Variants in PRG4 observed in about 807,000 individuals in gnomAD.
PRG4 encodes proteoglycan 4.
In PRG4, 61 loss-of-function variants were observed where a neutral mutation model predicts 91.2. The ratio of observed to expected loss-of-function variants is 0.67; its 90% CI spans 0.54 to 0.83. PRG4 has a LOEUF of 0.83. Among genes scored for constraint, PRG4 ranks in the 40% least tolerant of loss-of-function variants. PRG4 has a pLI of 0.00. For missense variants in PRG4, 1,564 were observed against 1,714.2 expected (o/e 0.91, Z 1.55); for synonymous variants, 576 against 614.2 (o/e 0.94, Z 0.92).
intron 4 of PRG4, among the ~76,000 whole-genome samples, chr1:186,301,949 ACATAG>A (rs1256581277): frequency 6.6e-6 from 1 of 152,184 alleles, no homozygotes; most frequent in Non-Finnish European, 1.5e-5. Context: ...CAGAGGGGGA[ACATAG>A]AGGATGAGGC....
chr1:186,311,205 A>ATAAT, intron 9 of PRG4, 35 bp downstream of exon 9: 1 of 1,583,104 alleles, frequency 6.3e-7, no homozygotes, highest in Non-Finnish European at 8.7e-7. Context: ...AAATTTAATA[A>ATAAT]TAATTTGTAA....
chr1:186,306,236 CAATGAT>C, intron 6 of PRG4, 76 bp from the exon 7 acceptor site: 1 of 1,145,828 alleles, frequency 8.7e-7, no homozygotes, highest in Non-Finnish European at 1.2e-6. Flanking sequence ...CACAACTAGT[CAATGAT>C]AAAGATGGGA....
chr1:186,296,909 T>C lies in PRG4; in HGVS notation c.34T>C (p.Leu12=), dbSNP rs1043820710. 1 of 1,613,928 alleles carries C rather than the reference T, an allele frequency of 6.2e-7. No homozygotes were observed. Among genetic ancestry groups the C allele is most frequent in the African/African-American group, 1.3e-5 (1 of 74,940 alleles). ...AWKTLPIYLL[L]LLSVFVIQQV... ...GAAAACACTTCCCATTTACCTGTTGTTGCTGCTGTCTGTTTTCGTGATTCA... is the reference window on the plus strand; with the variant it reads ...GAAAACACTTCCCATTTACCTGTTGCTGCTGCTGTCTGTTTTCGTGATTCA... Residue 12 remains leucine (L), a synonymous_variant, in exon 2 of 13, where the codon TTG becomes CTG. Coordinates refer to ENST00000445192, the MANE Select transcript of PRG4 (RefSeq NM_005807.6).
In PRG4 at chr1:186,301,737, C is replaced by T. The variant is rs149854800; in HGVS notation, c.319+26C>T. The T allele has an allele frequency of 2.8e-4, 444 of 1,610,230 alleles. 4 individuals carry two copies. The East Asian group carries it at 9.5e-3, about 35-fold the overall frequency. On this transcript the variant is annotated intron_variant, in intron 4 of 12. Coordinates refer to ENST00000445192, the MANE Select transcript of PRG4 (RefSeq NM_005807.6). ...GTAAGCATCACAGTACCAACCAATG[C>T]TTCTCAGTACAGCCAGATCTGTGCA...
chr1:186,308,943 C>A lies in PRG4; in HGVS notation c.3224C>A (p.Thr1075Asn), dbSNP rs1481584010. 5 of 1,611,034 alleles carry A rather than the reference C, an allele frequency of 3.1e-6. No individual in the cohort carries two copies. The highest frequency in any genetic ancestry group is 2.2e-5 in the East Asian group (1 of 44,862). The change falls in exon 7 of 13, where the codon ACC (threonine) becomes AAC (asparagine). Residue 1075 changes from threonine (T) to asparagine (N), a missense_variant. Thr to Asn is a moderately conservative substitution (Grantham distance 65). This residue lies in a region of PRG4 where 1,079 missense variants were observed against 1,162.2 expected (regional missense o/e 0.93). Transcript: ENST00000445192. ...TSRIAEAMLQ[T>N]TTRPNQTPNS... is the part of the protein sequence containing the mutation. The stretch of plus-strand genomic sequence containing the variant: ...AGAATAGCAGAAGCCATGCTCCAAA[C>A]CACCACCAGACCTAACCAAACTCCA...
At chr1:186,297,018 A>G in intron 2 of PRG4, 67 bp downstream of exon 2, 1 of 1,347,786 alleles carries the variant, frequency 7.4e-7, no homozygotes, top group Non-Finnish European at 1.1e-6. Flanking sequence ...TGATTTTTAT[A>G]ACAACGGAAA....
chr1:186,307,481 A>C lies in PRG4; in HGVS notation c.1762A>C (p.Thr588Pro), dbSNP rs761927966. 1.3e-6 allele frequency: 2 copies of C among 1,548,994 alleles called. No individual in the cohort carries two copies. Among genetic ancestry groups the C allele is most frequent in the Admixed American group, 1.9e-5 (1 of 53,874 alleles). The part of the protein sequence containing the change: ...PTTPKEPAPT[T>P]PKEPAPTTTK... ...TACCCCCAAGGAGCCTGCACCCACC[A>C]CTCCCAAGGAACCTGCACCCACCAC... Residue 588 changes from threonine to proline, a missense_variant, in exon 7 of 13, where the codon ACT becomes CCT. Physicochemically the swap from Thr to Pro is conservative, Grantham distance 38. Coordinates refer to ENST00000445192, the MANE Select transcript of PRG4 (RefSeq NM_005807.6).
rs748382563 is a variant in PRG4 at position 186,306,366 on chromosome 1, C to T, written c.647C>T (p.Pro216Leu). 1 of 1,610,776 alleles carries T rather than the reference C, an allele frequency of 6.2e-7. No individual in the cohort carries two copies. Among genetic ancestry groups the T allele is most frequent in the Non-Finnish European group, 8.5e-7 (1 of 1,178,926 alleles). The part of the protein sequence containing the change: ...NRTKKKPTPK[P>L]PVVDEAGSGL... ...ACTAAAAAGAAACCTACCCCCAAACCACCAGTTGTAGATGAAGCTGGAAGT... is the reference window on the plus strand; with the variant it reads ...ACTAAAAAGAAACCTACCCCCAAACTACCAGTTGTAGATGAAGCTGGAAGT... The change falls in exon 7 of 13, where the codon CCA becomes CTA. Residue 216 changes from proline (P) to leucine (L), a missense_variant. Pro to Leu is a moderately conservative substitution (Grantham distance 98). Coordinates refer to ENST00000445192, the MANE Select transcript of PRG4 (RefSeq NM_005807.6).
chr1:186,314,458 C>A lies in PRG4; in HGVS notation c.*680C>A. ...TATTATATATCTAAGGTATACAAATCTGTCTACATGAAGTTTACAGATTGG... is the reference window on the plus strand; with the variant it reads ...TATTATATATCTAAGGTATACAAATATGTCTACATGAAGTTTACAGATTGG... On this transcript the variant is annotated 3_prime_UTR_variant, in exon 13 of 13. Coordinates refer to ENST00000445192, the MANE Select transcript of PRG4 (RefSeq NM_005807.6). 2.2e-6 allele frequency: 1 copy of A among 460,998 alleles called. No individual in the cohort carries two copies. Among genetic ancestry groups the A allele is most frequent in the South Asian group, 3.6e-5 (1 of 27,436 alleles). The allele number at this position is 460,998 out of a possible 1,614,324, so 28.6% of individuals were successfully genotyped here.
intron 2 of PRG4, among the ~76,000 whole-genome samples, chr1:186,297,478 G>A (rs895969188): frequency 6.6e-6 from 1 of 152,016 alleles, no homozygotes; most frequent in Non-Finnish European, 1.5e-5. Context: ...ATTTATCCAG[G>A]TATGGACATA....
intron 6 of PRG4, among the ~76,000 whole-genome samples, chr1:186,306,007 A>G (rs568899876): frequency 7.2e-5 from 11 of 152,334 alleles, no homozygotes; most frequent in African/African-American, 2.4e-4. Context: ...TAGGGGGTAA[A>G]GAACATTAAT....
At chr1:186,305,465 T>C (rs1041509638) in intron 6 of PRG4, among the ~76,000 whole-genome samples, 3 of 152,256 alleles carry the variant, frequency 2.0e-5, no homozygotes, top group Non-Finnish European at 2.9e-5. Flanking sequence ...GAATAGGCTA[T>C]TATTGCCTGA....
Position 186,306,872 on chromosome 1 carries a change from A to G in PRG4, c.1153A>G (p.Thr385Ala), listed in dbSNP as rs751405276. The change falls in exon 7 of 13, where the codon ACC (threonine) becomes GCC (alanine). Residue 385 changes from threonine (T) to alanine (A), a missense_variant. Physicochemically the swap from Thr to Ala is moderately conservative, Grantham distance 58 (BLOSUM62 0). Coordinates refer to ENST00000445192, the MANE Select transcript of PRG4 (RefSeq NM_005807.6). The part of the protein sequence containing the change: ...PTTPKEPAPT[T>A]TKSAPTTPKE... ...CACCCCCAAGGAGCCTGCACCCACCACCACCAAGTCTGCACCCACCACTCC... is the reference window on the plus strand; with the variant it reads ...CACCCCCAAGGAGCCTGCACCCACCGCCACCAAGTCTGCACCCACCACTCC... 6.2e-7 allele frequency: 1 copy of G among 1,603,454 alleles called. No homozygotes were observed. Among genetic ancestry groups the G allele is most frequent in the Non-Finnish European group, 8.5e-7 (1 of 1,177,040 alleles).
chr1:186,313,790 AAGG>A lies in PRG4; in HGVS notation c.*18_*20del, dbSNP rs779730832. On this transcript the variant is annotated 3_prime_UTR_variant, in exon 13 of 13. Transcript: ENST00000445192. ...ACAACTGTCCTTAGACTGATGAGCA[AAGG>A]AGGAGTCAACTAATGAAGAAATGAA... 4.3e-4 allele frequency: 671 copies of A among 1,571,788 alleles called. No individual in the cohort carries two copies. The highest frequency in any genetic ancestry group is 5.6e-4 in the Non-Finnish European group (639 of 1,141,696).
intron 4 of PRG4, among the ~76,000 whole-genome samples, chr1:186,301,952 T>C (rs1056223490): frequency 2.0e-5 from 3 of 152,132 alleles, no homozygotes; most frequent in Non-Finnish European, 2.9e-5. Flanking sequence ...AGGGGGAACA[T>C]AGAGGATGAG....
Position 186,310,156 on chromosome 1 carries a change from A to C in PRG4, c.3499+286A>C, listed in dbSNP as rs538787982. ...TTTTTGGGGGGGGGGGGTAGTTAAA[A>C]TTTAAAAAATAAAATAAAATTTTAA... On this transcript the variant is annotated intron_variant, in intron 8 of 12. Coordinates refer to ENST00000445192, the MANE Select transcript of PRG4 (RefSeq NM_005807.6). 1.2e-3 allele frequency among the ~76,000 whole-genome samples: 183 copies of C among 150,662 alleles called. 3 individuals carry two copies. The highest frequency in any genetic ancestry group is 4.4e-3 in the African/African-American group (180 of 40,840).
chr1:186,302,089 G>A (rs534003842), intron 4 of PRG4, among the ~76,000 whole-genome samples: 28 of 152,140 alleles, frequency 1.8e-4, no homozygotes, highest in Non-Finnish European at 2.6e-4. Flanking sequence ...TATCCTTTGA[G>A]CTATCTGTGC....
Position 186,304,248 on chromosome 1 carries a change from A to C in PRG4, c.460A>C (p.Ile154Leu). Residue 154 changes from isoleucine to leucine, a missense_variant, in exon 5 of 13, where the codon ATA becomes CTA. Transcript: ENST00000445192. ...TAAGAAAGTTATAGAATCAGAGGAAATAACAGAAGGTAGGAAGATGACAGA... is the reference window on the plus strand; with the variant it reads ...TAAGAAAGTTATAGAATCAGAGGAACTAACAGAAGGTAGGAAGATGACAGA... ...KTKKVIESEEITEEHSVSENQ... is the reference protein window; with the variant it reads ...KTKKVIESEELTEEHSVSENQ... The C allele has an allele frequency of 1.2e-6, 2 of 1,613,268 alleles. No homozygotes were observed. The highest frequency in any genetic ancestry group is 1.7e-6 in the Non-Finnish European group (2 of 1,179,232).
At chr1:186,304,751 T>C in intron 5 of PRG4, 43 bp from the exon 6 acceptor site, 1 of 1,587,814 alleles carries the variant, frequency 6.3e-7, no homozygotes, top group East Asian at 2.2e-5. Context: ...TTTTTTGTTT[T>C]AAATCACAGT....
Sources: gnomAD v4.1 joint callset for allele counts (sites outside exome capture counted in the v4.1 genomes callset) on GRCh38, gnomAD v4.1.1 for gene constraint, gnomAD v4.1.1 regional missense constraint, MANE v1.5 for transcripts, NCBI Gene and HGNC (gene_info 2026-07-23, HGNC 2026-07-21) for gene names.